The following GRM5 variants were observed in gnomAD, a reference collection of about 807,000 sequenced individuals.
GRM5 encodes the protein glutamate metabotropic receptor 5, also known as metabotropic glutamate receptor 5.
Under a neutral mutation model 83.1 loss-of-function variants are expected in GRM5, and 19 were observed. The observed-to-expected ratio is 0.23, with a 90% CI of 0.16 to 0.34. The LOEUF is 0.34. Among genes scored for constraint, GRM5 ranks in the 10% least tolerant of loss-of-function variants. The pLI, the probability that GRM5 is intolerant of heterozygous loss-of-function variation, is 1.00. For missense variants in GRM5, 1,160 were observed against 1,588.3 expected (o/e 0.73, Z 4.58); for synonymous variants, 675 against 633.6 (o/e 1.07, Z -0.98).
At chr11:88,767,284 T>G (rs1942642002) in intron 3 of GRM5, among the ~76,000 whole-genome samples, 1 of 151,960 alleles carries the variant, frequency 6.6e-6, no homozygotes, top group Non-Finnish European at 1.5e-5. Context: ...CTCAAATAAC[T>G]AAAACAGAAT....
At chr11:88,926,974 T>C (rs1406303507) in intron 2 of GRM5, among the ~76,000 whole-genome samples, 1 of 152,188 alleles carries the variant, frequency 6.6e-6, no homozygotes, top group Non-Finnish European at 1.5e-5. Context: ...TTTCAACTAT[T>C]TACATGTTTG....
chr11:88,653,680 G>C (rs1236715256), intron 3 of GRM5, among the ~76,000 whole-genome samples: 1 of 151,908 alleles, frequency 6.6e-6, no homozygotes, highest in East Asian at 1.9e-4. Flanking sequence ...AATTTTACTG[G>C]CTGCAAAATA....
chr11:88,900,074 G>A (rs548820830), intron 2 of GRM5, among the ~76,000 whole-genome samples: 3 of 152,160 alleles, frequency 2.0e-5, no homozygotes, highest in African/African-American at 7.2e-5. Flanking sequence ...CAACTCTGCT[G>A]GTAATTATTT....
intron 2 of GRM5, among the ~76,000 whole-genome samples, chr11:88,918,195 A>G (rs1001734306): frequency 2.6e-5 from 4 of 151,862 alleles, no homozygotes; most frequent in Non-Finnish European, 5.9e-5. Flanking sequence ...GCTGAAGGAA[A>G]AAAAAAAAAC....
Position 88,794,807 on chromosome 11 carries a change from C to A in GRM5, c.911+55099G>T, listed in dbSNP as rs577789979. ...TTGTCTGCTTGGATAAAGAATTAGG[C>A]CAAATAGTACATTTCATAATAAATC... On this transcript the variant is annotated intron_variant, in intron 3 of 9. Transcript: ENST00000305447. Among the ~76,000 whole-genome samples, 75 of 152,232 alleles carry A rather than the reference C, an allele frequency of 4.9e-4. 1 individual carries two copies. In the South Asian group the frequency reaches 0.015, roughly 30 times the overall value.
In GRM5 at chr11:88,931,285, G is replaced by A. The variant is rs539841013; in HGVS notation, c.662-81130C>T. Among the ~76,000 whole-genome samples, 52 of 151,970 alleles carry A rather than the reference G, an allele frequency of 3.4e-4. 1 individual carries two copies. The South Asian group carries it at 8.1e-3, about 24-fold the overall frequency. ...TATTTTATGTACTTTGCCAGTCACTGTAATATTGAGTTCTGATTATGCTAC... is the reference window on the plus strand; with the variant it reads ...TATTTTATGTACTTTGCCAGTCACTATAATATTGAGTTCTGATTATGCTAC... On this transcript the variant is annotated intron_variant, in intron 2 of 9. Transcript: ENST00000305447.
chr11:88,721,452 T>A (rs1941538004), intron 3 of GRM5, among the ~76,000 whole-genome samples: 1 of 152,150 alleles, frequency 6.6e-6, no homozygotes. Flanking sequence ...ACCACTCTTC[T>A]TAATTTCTAA....
intron 2 of GRM5, among the ~76,000 whole-genome samples, chr11:88,922,276 C>A (rs546466): frequency 0.96 from 145,802 of 152,218 alleles, 69,910 homozygotes; most frequent in East Asian, 0.99. Context: ...GAACAGCCAA[C>A]GCTATCCTGA....
rs1941897055 is a variant in GRM5 at position 88,527,090 on chromosome 11, C to T, written c.2631-1686G>A. 1.3e-5 allele frequency among the ~76,000 whole-genome samples: 2 copies of T among 152,072 alleles called. 1 individual carries two copies. Among genetic ancestry groups the T allele is most frequent in the South Asian group, 4.2e-4 (2 of 4,812 alleles). ...TACCAAGAAAATACCTTAGAAGTAC[C>T]AATGGCCAAATGATGCTCAATGTTT... On this transcript the variant is annotated intron_variant, in intron 8 of 9. Coordinates refer to ENST00000305447, the MANE Select transcript of GRM5 (RefSeq NM_001143831.3).
chr11:88,666,039 G>T (rs145267054), intron 3 of GRM5, among the ~76,000 whole-genome samples: 22 of 152,302 alleles, frequency 1.4e-4, no homozygotes, highest in African/African-American at 4.6e-4. Flanking sequence ...GGAGGGAAAA[G>T]AAGCACAGAT....
At chr11:88,777,171 T>C (rs1942873838) in intron 3 of GRM5, among the ~76,000 whole-genome samples, 1 of 152,212 alleles carries the variant, frequency 6.6e-6, no homozygotes, top group South Asian at 2.1e-4. Flanking sequence ...GTCTTCTCGC[T>C]TTATTTCATT....
chr11:88,605,418 T>C (rs1037338581), intron 4 of GRM5, among the ~76,000 whole-genome samples: 5 of 151,854 alleles, frequency 3.3e-5, no homozygotes, highest in Non-Finnish European at 5.9e-5. Context: ...GATATAAATT[T>C]ACCTATTTAG....
chr11:88,937,548 G>A (rs549093272), intron 2 of GRM5, among the ~76,000 whole-genome samples: 2 of 151,674 alleles, frequency 1.3e-5, no homozygotes, highest in East Asian at 3.9e-4. Context: ...CTCTTACCCA[G>A]CATTCACATG....
intron 2 of GRM5, among the ~76,000 whole-genome samples, chr11:89,027,847 A>T (rs145455121): frequency 1.3e-5 from 2 of 152,278 alleles, no homozygotes; most frequent in African/African-American, 4.8e-5. Context: ...TCCTCTCCAA[A>T]ACACATGTTG....
chr11:88,601,537 A>C (rs1401697719), intron 5 of GRM5, among the ~76,000 whole-genome samples: 1 of 152,150 alleles, frequency 6.6e-6, no homozygotes. Flanking sequence ...ATATTGAGTC[A>C]CTTAATGTAA....
intron 5 of GRM5, among the ~76,000 whole-genome samples, chr11:88,601,955 A>T (rs1048543264): frequency 3.9e-5 from 6 of 152,192 alleles, no homozygotes; most frequent in Admixed American, 2.0e-4. Flanking sequence ...AGCAGACTCC[A>T]TGTGGTCTGC....
chr11:88,919,724 A>G (rs1002735385), intron 2 of GRM5, among the ~76,000 whole-genome samples: 9 of 152,086 alleles, frequency 5.9e-5, no homozygotes, highest in African/African-American at 1.9e-4. Flanking sequence ...ACAGAATAAT[A>G]TTAAATAGCA....
At chr11:88,978,683 T>C (rs1303700540) in intron 2 of GRM5, among the ~76,000 whole-genome samples, 1 of 151,898 alleles carries the variant, frequency 6.6e-6, no homozygotes, top group Non-Finnish European at 1.5e-5. Flanking sequence ...ATATAAAATG[T>C]TGATGTTGGA....
chr11:88,866,931 C>G (rs990701760), intron 2 of GRM5, among the ~76,000 whole-genome samples: 7 of 152,138 alleles, frequency 4.6e-5, no homozygotes, highest in African/African-American at 1.7e-4. Flanking sequence ...TAAGGCTAGC[C>G]AGTTTTCCCA....
Sources: gnomAD v4.1 joint callset for allele counts (sites outside exome capture counted in the v4.1 genomes callset) on GRCh38, gnomAD v4.1.1 for gene constraint, MANE v1.5 for transcripts, NCBI Gene and HGNC (gene_info 2026-07-23, HGNC 2026-07-21) for gene names.